Variants in MYO7A observed in about 807,000 individuals in gnomAD.
MYO7A encodes the protein unconventional myosin-VIIa.
MYO7A carries 210 observed loss-of-function variants against 263.8 expected under a neutral mutation model. That is an observed-to-expected ratio of 0.80 (90% CI 0.71 to 0.89). The LOEUF (loss-of-function observed/expected upper bound fraction) is 0.89, where lower values mean the gene tolerates loss of function less well. Among genes scored for constraint, MYO7A ranks in the 40% least tolerant of loss-of-function variants. MYO7A has a pLI of 0.00. For missense variants in MYO7A, 2,820 were observed against 2,968.3 expected, an observed-to-expected ratio of 0.95 and a Z score of 1.16; for synonymous variants, 1,239 against 1,197.3, an observed-to-expected ratio of 1.03 and a Z score of -0.72.
At chr11:77,200,480 C>T (rs1022714105) in intron 35 of MYO7A, among the ~76,000 whole-genome samples, 6 of 152,178 alleles carry the variant, frequency 3.9e-5, no homozygotes, top group African/African-American at 9.6e-5. Context: ...ACCGTGAGCA[C>T]GGCACCACAC....
At position 77,203,341 on chromosome 11, in the gene MYO7A, C is replaced by A. The variant is rs566930557; in HGVS notation, c.5326+124C>A. ...ACACATGGGGAGGGTTGATGGAGTA[C>A]CCCCTCCCTTGCACCTTTTGATATG... On this transcript the variant is annotated intron_variant, in intron 38 of 48. Coordinates refer to ENST00000409709, the MANE Select transcript of MYO7A (RefSeq NM_000260.4). The A allele has an allele frequency of 4.5e-6, 5 of 1,105,896 alleles. No homozygotes were observed. In the African/African-American group the frequency reaches 4.7e-5, roughly 10 times the overall value. 68.5% of individuals were successfully genotyped at this position (1,105,896 alleles called of 1,614,324 possible). A position where few individuals can be genotyped will look rare whatever the true frequency, so the allele number is the denominator to read the frequency against.
intron 4 of MYO7A, among the ~76,000 whole-genome samples, chr11:77,149,825 G>C (rs1270742434): frequency 6.6e-6 from 1 of 152,168 alleles, no homozygotes; most frequent in Non-Finnish European, 1.5e-5. Flanking sequence ...ACTCAGAGAG[G>C]CAGGGCATGG....
intron 38 of MYO7A, 140 bp downstream of exon 38, chr11:77,203,357 T>C: frequency 1.0e-6 from 1 of 976,350 alleles, no homozygotes; most frequent in South Asian, 1.7e-5. Context: ...CCCTTGCACC[T>C]TTTGATATGC....
intron 41 of MYO7A, 168 bp from the exon 42 acceptor site, chr11:77,207,121 A>G (rs1487948541): frequency 1.8e-6 from 1 of 552,934 alleles, no homozygotes. Flanking sequence ...GAAGACCCAG[A>G]CAGGAGTAGC....
intron 4 of MYO7A, among the ~76,000 whole-genome samples, chr11:77,155,065 G>A (rs994172207): frequency 1.3e-5 from 2 of 152,188 alleles, no homozygotes; most frequent in Admixed American, 6.5e-5. Context: ...GCCAATTATG[G>A]TCTAGGCCTG....
At chr11:77,193,888 T>C (rs981792642) in intron 31 of MYO7A, 24 of 408,874 alleles carry the variant, frequency 5.9e-5, no homozygotes, top group African/African-American at 4.6e-4. Flanking sequence ...CCCCAAGTGC[T>C]TAACGGTGGT....
intron 30 of MYO7A, among the ~76,000 whole-genome samples, chr11:77,191,762 C>G (rs1956094802): frequency 6.6e-6 from 1 of 152,238 alleles, no homozygotes; most frequent in South Asian, 2.1e-4. Flanking sequence ...ATTTTTCTCA[C>G]CGATGCTCTT....
chr11:77,205,867 T>G (rs1199327819), intron 40 of MYO7A, among the ~76,000 whole-genome samples: 1 of 152,134 alleles, frequency 6.6e-6, no homozygotes, highest in Non-Finnish European at 1.5e-5. Flanking sequence ...CTGGGCCCAC[T>G]TCATACTCTC....
At chr11:77,191,995 C>T in intron 30 of MYO7A, 56 bp from the exon 31 acceptor site, 1 of 1,492,152 alleles carries the variant, frequency 6.7e-7, no homozygotes, top group Middle Eastern at 2.3e-4. Flanking sequence ...CCCGTTGAGG[C>T]TCCTCATAGT....
chr11:77,156,566 G>A, intron 5 of MYO7A, 94 bp from the exon 6 acceptor site: 1 of 1,552,580 alleles, frequency 6.4e-7, no homozygotes, highest in Non-Finnish European at 8.8e-7. Flanking sequence ...ATTACAGATG[G>A]GGGAGCTGGT....
intron 27 of MYO7A, 125 bp from the exon 28 acceptor site, chr11:77,189,219 C>T: frequency 1.4e-6 from 2 of 1,391,620 alleles, no homozygotes; most frequent in Non-Finnish European, 1.9e-6. Context: ...TCTGCCTCCT[C>T]CCGGGTGGTC....
At chr11:77,160,411 T>C in intron 11 of MYO7A, 129 bp downstream of exon 11, 2 of 1,334,056 alleles carry the variant, frequency 1.5e-6, no homozygotes, top group Non-Finnish European at 2.0e-6. Flanking sequence ...GCCCCGGGGC[T>C]GCAGTCGGCC....
intron 44 of MYO7A, chr11:77,209,042 CTG>C: frequency 1.9e-6 from 1 of 535,036 alleles, no homozygotes; most frequent in South Asian, 2.4e-5. Context: ...CGATCCCTAC[CTG>C]TTCAGGCCCC....
Position 77,194,420 on chromosome 11 carries a change from G to C in MYO7A, c.4219G>C (p.Glu1407Gln). 1 of 1,612,386 alleles carries C rather than the reference G, an allele frequency of 6.2e-7. No homozygotes were observed. ...AGACTATGGCTCTGAGATGATCCTG[G>C]AGCGCCTCCTGAACCTCGTGCCCAC... ...FVDYGSEMIL[E>Q]RLLNLVPTYI... Residue 1407 changes from glutamate to glutamine, a missense_variant, in exon 32 of 49, where the codon GAG (glutamate) becomes CAG (glutamine). Coordinates refer to ENST00000409709, the MANE Select transcript of MYO7A (RefSeq NM_000260.4).
At chr11:77,163,082 T>C in intron 14 of MYO7A, 94 bp downstream of exon 14, 1 of 1,434,966 alleles carries the variant, frequency 7.0e-7, no homozygotes, top group Non-Finnish European at 9.5e-7. Flanking sequence ...ATTTTAAAGA[T>C]TTTTAAAAAT....
At position 77,166,150 on chromosome 11, in the gene MYO7A, C is replaced by G. The variant is rs782096041; in HGVS notation, c.1785C>G (p.Ala595=). The change falls in exon 15 of 49, where the codon GCC becomes GCG. Residue 595 remains alanine, a synonymous_variant. Transcript: ENST00000409709. The part of the protein sequence containing the change: ...RNKFIKQIFQ[A]DVAMGAETRK... ...AGTTCATCAAGCAGATCTTCCAGGC[C>G]GATGTCGCCATGGTAAGCCGGGTGC... 18 of 1,613,804 alleles carry G rather than the reference C, an allele frequency of 1.1e-5. No homozygotes were observed. The highest frequency in any genetic ancestry group is 1.5e-5 in the Non-Finnish European group (18 of 1,179,790).
At chr11:77,166,851 T>C (rs1953596248) in intron 15 of MYO7A, among the ~76,000 whole-genome samples, 1 of 152,190 alleles carries the variant, frequency 6.6e-6, no homozygotes, top group Non-Finnish European at 1.5e-5. Flanking sequence ...CCTCTCTCCA[T>C]GGTGGATTTT....
intron 23 of MYO7A, among the ~76,000 whole-genome samples, 178 bp downstream of exon 23, chr11:77,181,767 G>T (rs1955208811): frequency 5.1e-5 from 7 of 138,258 alleles, no homozygotes; most frequent in South Asian, 4.9e-4. Flanking sequence ...CCCTTCTCAA[G>T]TTTTTTTTTT....
In MYO7A at chr11:77,182,597, C is replaced by T. The variant is rs1470394833; in HGVS notation, c.3282C>T (p.Gly1094=). The T allele has an allele frequency of 2.5e-6, 4 of 1,612,852 alleles. No homozygotes were observed. Among genetic ancestry groups the T allele is most frequent in the African/African-American group, 1.3e-5 (1 of 75,052 alleles). The change falls in exon 25 of 49, where the codon GGC becomes GGT. Residue 1094 remains glycine, a synonymous_variant. Transcript: ENST00000409709. ...KRELQALQGE[G]EAQLPEGQKK... ...AGCTGCAGGCCCTGCAGGGCGAGGG[C>T]GAGGTGAGGCCAAGGTGCCCTCTGG...
Sources: gnomAD v4.1 joint callset for allele counts (sites outside exome capture counted in the v4.1 genomes callset) on GRCh38, gnomAD v4.1.1 for gene constraint, MANE v1.5 for transcripts, NCBI Gene and HGNC (gene_info 2026-07-23, HGNC 2026-07-21) for gene names.